Variants in MTHFD1 observed in about 807,000 individuals in gnomAD.
MTHFD1 encodes the protein C-1-tetrahydrofolate synthase, cytoplasmic.
Under a neutral mutation model 110.3 loss-of-function variants are expected in MTHFD1, and 44 were observed. The ratio of observed to expected loss-of-function variants is 0.40; its 90% CI spans 0.31 to 0.51. The LOEUF is 0.51. MTHFD1 is among the 20% of genes least tolerant of loss of function. The pLI is 0.60. For synonymous variants in MTHFD1, 402 were observed against 428.8 expected (o/e 0.94, Z 0.77); for missense variants, 909 against 1,173.1 (o/e 0.77, Z 3.29).
At chr14:64,458,138 C>T in intron 26 of MTHFD1, 76 bp from the exon 27 acceptor site, 5 of 1,157,856 alleles carry the variant, frequency 4.3e-6, no homozygotes, top group Non-Finnish European at 5.2e-6. Context: ...TGATCCTCTC[C>T]ACCTCAGCCT....
At chr14:64,439,326 G>A (rs2078230585) in intron 17 of MTHFD1, 154 bp downstream of exon 17, 1 of 691,694 alleles carries the variant, frequency 1.4e-6, no homozygotes, top group East Asian at 2.7e-5. Context: ...GTGGCATTGA[G>A]CACTCCTGAC....
intron 27 of MTHFD1, among the ~76,000 whole-genome samples, chr14:64,458,926 G>A (rs1261951191): frequency 6.6e-6 from 1 of 152,136 alleles, no homozygotes; most frequent in Non-Finnish European, 1.5e-5. Context: ...TATATCCCTA[G>A]ACACATCCTG....
intron 22 of MTHFD1, among the ~76,000 whole-genome samples, chr14:64,446,669 G>A (rs555813203): frequency 6.6e-6 from 1 of 152,166 alleles, no homozygotes; most frequent in South Asian, 2.1e-4. Flanking sequence ...AGCCTCCCAA[G>A]AAGCTGCGAC....
rs1172219305 is a variant in MTHFD1 at position 64,426,145 on chromosome 14, A to G, written c.1080A>G (p.Leu360=). 1.2e-6 allele frequency: 2 copies of G among 1,614,200 alleles called. No individual in the cohort carries two copies. The highest frequency in any genetic ancestry group is 2.2e-5 in the South Asian group (2 of 91,084). ...AGGCCAAAGTTCTGCTGTCAGCACT[A>G]GAACGCCTGAAGCACCGGCCTGATG... is the stretch of plus-strand genomic sequence containing the variant. ...ETKAKVLLSA[L]ERLKHRPDGK... Residue 360 remains leucine (L), a synonymous_variant, in exon 11 of 28, where the codon CTA becomes CTG. Coordinates refer to ENST00000652337, the MANE Select transcript of MTHFD1 (RefSeq NM_005956.4).
Position 64,449,241 on chromosome 14 carries a change from G to A in MTHFD1, c.2280-204G>A, listed in dbSNP as rs1325149455. Reference sequence around the variant, plus strand: ...TGATTATTCGCGTATTACCAGGGTGGAAATTGAGGCACATAAAGATTAGGT... The same window carrying A: ...TGATTATTCGCGTATTACCAGGGTGAAAATTGAGGCACATAAAGATTAGGT... On this transcript the variant is annotated intron_variant, in intron 23 of 27. Coordinates refer to ENST00000652337, the MANE Select transcript of MTHFD1 (RefSeq NM_005956.4). 2.2e-5 allele frequency: 14 copies of A among 636,560 alleles called. No homozygotes were observed. In the Admixed American group the frequency reaches 3.2e-4, roughly 15 times the overall value. The allele number at this position is 636,560 out of a possible 1,614,324, so 39.4% of individuals were successfully genotyped here. A position where few individuals can be genotyped will look rare whatever the true frequency, so the allele number is the denominator to read the frequency against.
chr14:64,392,099 G>T (rs141678649), intron 1 of MTHFD1, among the ~76,000 whole-genome samples: 3 of 152,192 alleles, frequency 2.0e-5, no homozygotes, highest in African/African-American at 7.2e-5. Flanking sequence ...ACTTGAAGGA[G>T]GTGGAGCCTT....
chr14:64,403,588 G>A lies in MTHFD1; in HGVS notation c.126+2711G>A, dbSNP rs964634608. Among the ~76,000 whole-genome samples the A allele has an allele frequency of 6.7e-5, 6 of 89,162 alleles. No homozygotes were observed. In the Admixed American group the frequency reaches 8.0e-4, roughly 12 times the overall value. The allele number at this position is 89,162 out of a possible 152,430, so 58.5% of individuals were successfully genotyped here. On this transcript the variant is annotated intron_variant, in intron 2 of 27. Coordinates refer to ENST00000652337, the MANE Select transcript of MTHFD1 (RefSeq NM_005956.4). Reference sequence around the variant, plus strand: ...CAGCCTTAATTTTTTGTATTTTTTTGTAGAGTTTTTTTTTGCCTTGTTGCC... The same window carrying A: ...CAGCCTTAATTTTTTGTATTTTTTTATAGAGTTTTTTTTTGCCTTGTTGCC...
intron 3 of MTHFD1, among the ~76,000 whole-genome samples, chr14:64,411,563 A>T (rs1227913384): frequency 1.3e-5 from 2 of 152,232 alleles, no homozygotes; most frequent in African/African-American, 4.8e-5. Flanking sequence ...AAAAATAGTC[A>T]TTCATGACCT....
chr14:64,424,884 C>G lies in MTHFD1; in HGVS notation c.808C>G (p.Pro270Ala), dbSNP rs1249697951. Reference protein sequence around the residue: ...EAKERASFITPVPGGVGPMTV... With the variant: ...EAKERASFITAVPGGVGPMTV... ...CAAAGAGAGGGCGAGCTTCATCACT[C>G]CTGTTCCTGGCGGCGTAGGGCCCAT... Residue 270 changes from proline (P) to alanine (A), a missense_variant, in exon 9 of 28, where the codon CCT becomes GCT. Physicochemically the swap from Pro to Ala is conservative, Grantham distance 27. Coordinates refer to ENST00000652337, the MANE Select transcript of MTHFD1 (RefSeq NM_005956.4). 6.2e-7 allele frequency: 1 copy of G among 1,614,202 alleles called. No homozygotes were observed. Among genetic ancestry groups the G allele is most frequent in the South Asian group, 1.1e-5 (1 of 91,078 alleles).
chr14:64,420,028 G>A (rs1288252282), intron 8 of MTHFD1, 103 bp downstream of exon 8: 6 of 863,328 alleles, frequency 6.9e-6, no homozygotes, highest in African/African-American at 6.7e-5. Flanking sequence ...TATGCTTGTA[G>A]TACTAAGGTT....
At chr14:64,455,009 A>T in intron 26 of MTHFD1, 134 bp downstream of exon 26, 1 of 875,576 alleles carries the variant, frequency 1.1e-6, no homozygotes, top group Non-Finnish European at 1.9e-6. Context: ...GCCTATTATG[A>T]TTGCTGTGGA....
In MTHFD1 at chr14:64,399,504, C is replaced by T. The variant is rs1292523904; in HGVS notation, c.42-1289C>T. ...TGAAACCCCATCTCTACTAAAAATA[C>T]AAAAATTAGCCGGGCGTGGTGGCAC... On this transcript the variant is annotated intron_variant, in intron 1 of 27. Transcript: ENST00000652337. Among the ~76,000 whole-genome samples the T allele has an allele frequency of 2.0e-5, 3 of 151,926 alleles. 1 individual carries two copies. The South Asian group carries it at 6.2e-4, about 32-fold the overall frequency.
chr14:64,393,525 G>T (rs2077822783), intron 1 of MTHFD1, among the ~76,000 whole-genome samples: 1 of 152,220 alleles, frequency 6.6e-6, no homozygotes, highest in Admixed American at 6.5e-5. Flanking sequence ...TGCAGGAGAG[G>T]TCGGAGTTCC....
chr14:64,431,859 A>C lies in MTHFD1; in HGVS notation c.1492A>C (p.Lys498Gln), dbSNP rs751489364. 26 of 1,613,742 alleles carry C rather than the reference A, an allele frequency of 1.6e-5. No individual in the cohort carries two copies. Among genetic ancestry groups the C allele is most frequent in the Non-Finnish European group, 2.2e-5 (26 of 1,179,632 alleles). The change falls in exon 15 of 28, where the codon AAG (lysine) becomes CAG (glutamine). Residue 498 changes from lysine to glutamine, a missense_variant and splice_region_variant. Around this residue, in one of 3 missense-constraint regions of MTHFD1, gnomAD observed 482 missense variants for 646.0 expected, o/e 0.75. Transcript: ENST00000652337. ...RFSDIQIRRL[K>Q]RLGIEKTDPT... is the part of the protein sequence containing the mutation. ...CTCTGACATCCAAATCCGAAGGTTAAAGGTAAGCTTTTTTTCTTCCACATT... is the reference window on the plus strand; with the variant it reads ...CTCTGACATCCAAATCCGAAGGTTACAGGTAAGCTTTTTTTCTTCCACATT...
At chr14:64,457,713 C>T (rs2078498194) in intron 26 of MTHFD1, among the ~76,000 whole-genome samples, 1 of 152,104 alleles carries the variant, frequency 6.6e-6, no homozygotes, top group African/African-American at 2.4e-5. Flanking sequence ...GCCTTGGCCT[C>T]CCAGAGTGCT....
At chr14:64,427,316 T>C (rs2078125973) in intron 11 of MTHFD1, 21 bp from the exon 12 acceptor site, 2 of 1,613,878 alleles carry the variant, frequency 1.2e-6, no homozygotes, top group Non-Finnish European at 1.7e-6. Context: ...AACCTTTTTC[T>C]CTTTTGCTTT....
At chr14:64,455,110 TA>T in intron 26 of MTHFD1, 1 of 514,974 alleles carries the variant, frequency 1.9e-6, no homozygotes, top group East Asian at 3.6e-5. Context: ...TCATACTGAA[TA>T]AAAAATTCTG....
intron 15 of MTHFD1, among the ~76,000 whole-genome samples, chr14:64,435,147 C>T (rs1373883267): frequency 6.6e-6 from 1 of 151,720 alleles, no homozygotes; most frequent in Admixed American, 6.6e-5. Flanking sequence ...GACAGGGTTT[C>T]ACCGTGTTGG....
chr14:64,457,211 A>G (rs2078488490), intron 26 of MTHFD1, among the ~76,000 whole-genome samples: 1 of 152,222 alleles, frequency 6.6e-6, no homozygotes, highest in Admixed American at 6.5e-5. Flanking sequence ...CAAAAATCAC[A>G]TGGGCAGCTC....
Sources: gnomAD v4.1 joint callset for allele counts (sites outside exome capture counted in the v4.1 genomes callset) on GRCh38, gnomAD v4.1.1 for gene constraint, gnomAD v4.1.1 regional missense constraint, MANE v1.5 for transcripts, NCBI Gene and HGNC (gene_info 2026-07-23, HGNC 2026-07-21) for gene names.